The following ASH1L variants were observed in gnomAD, a reference collection of about 807,000 sequenced individuals.
The protein encoded by ASH1L is histone-lysine N-methyltransferase ASH1L.
A neutral mutation model predicts 269.0 loss-of-function variants in ASH1L; 23 were observed. The observed-to-expected ratio is 0.09, with a 90% CI of 0.06 to 0.12. The LOEUF (loss-of-function observed/expected upper bound fraction) is 0.12, where lower values mean the gene tolerates loss of function less well. ASH1L is among the 10% of genes least tolerant of loss of function. The probability of loss-of-function intolerance (pLI) is 1.00; values close to 1 mark genes in which losing one functional copy is unlikely to be tolerated. For synonymous variants in ASH1L, 1,187 were observed against 1,253.5 expected (o/e 0.95, Z 1.12); for missense variants, 2,912 against 3,567.8 (o/e 0.82, Z 4.68).
chr1:155,534,157 G>A (rs999407599), intron 1 of ASH1L, among the ~76,000 whole-genome samples: 4 of 149,754 alleles, frequency 2.7e-5, no homozygotes, highest in African/African-American at 9.9e-5. Context: ...GCTGGAAACA[G>A]GCCGAGATCC....
rs116096947 is a variant in ASH1L at position 155,417,554 on chromosome 1, T to C, written c.5829-1631A>G. Among the ~76,000 whole-genome samples, 350 of 152,288 alleles carry C rather than the reference T, an allele frequency of 2.3e-3. 1 individual carries two copies. The highest frequency in any genetic ancestry group is 8.2e-3 in the African/African-American group (339 of 41,556). ...ACTCACACATGATGGCAGATACTCA[T>C]TCCATTAGGCAAAGTAGAAAGACAT... On this transcript the variant is annotated intron_variant, in intron 5 of 27. Coordinates refer to ENST00000392403, the MANE Select transcript of ASH1L (RefSeq NM_018489.3).
intron 6 of ASH1L, among the ~76,000 whole-genome samples, chr1:155,405,169 AAAACT>A (rs1217974147): frequency 6.6e-6 from 1 of 152,096 alleles, no homozygotes; most frequent in Admixed American, 6.6e-5. Flanking sequence ...CTGTACACTA[AAAACT>A]ATAAAACACT....
chr1:155,542,981 A>T (rs1226959175), intron 1 of ASH1L, among the ~76,000 whole-genome samples: 1 of 151,814 alleles, frequency 6.6e-6, no homozygotes, highest in Non-Finnish European at 1.5e-5. Context: ...AAAACCATTA[A>T]ATCTTACACC....
chr1:155,516,617 A>AC (rs1470045201), intron 2 of ASH1L, among the ~76,000 whole-genome samples: 1 of 152,020 alleles, frequency 6.6e-6, no homozygotes, highest in Non-Finnish European at 1.5e-5. Flanking sequence ...AAACAGCAAG[A>AC]CCCCATCTCT....
At chr1:155,373,312 G>C (rs1421032061) in intron 10 of ASH1L, among the ~76,000 whole-genome samples, 1 of 151,458 alleles carries the variant, frequency 6.6e-6, no homozygotes, top group African/African-American at 2.4e-5. Flanking sequence ...TTTGGAGACA[G>C]GGTCTCGCTC....
intron 8 of ASH1L, 102 bp from the exon 9 acceptor site, chr1:155,378,650 C>T (rs1656672818): frequency 1.1e-6 from 1 of 891,918 alleles, no homozygotes; most frequent in African/African-American, 1.7e-5. Context: ...GTGCTCTGCT[C>T]ATCTGGAAAT....
chr1:155,552,442 G>A (rs1252260402), intron 1 of ASH1L, among the ~76,000 whole-genome samples: 4 of 152,168 alleles, frequency 2.6e-5, no homozygotes, highest in Admixed American at 2.6e-4. Flanking sequence ...CTCCAGCCTA[G>A]CCGACAAGAG....
intron 3 of ASH1L, among the ~76,000 whole-genome samples, chr1:155,463,460 TGAC>T (rs1403150403): frequency 2.0e-5 from 3 of 152,192 alleles, no homozygotes; most frequent in South Asian, 2.1e-4. Context: ...TAAATATTAG[TGAC>T]TACTATATAT....
chr1:155,522,616 G>A (rs1668964743), intron 1 of ASH1L, among the ~76,000 whole-genome samples: 2 of 151,468 alleles, frequency 1.3e-5, no homozygotes, highest in African/African-American at 2.4e-5. Context: ...TCTCCACAAA[G>A]CACTCCCATT....
chr1:155,457,542 G>A (rs1168313336), intron 4 of ASH1L, among the ~76,000 whole-genome samples: 2 of 152,164 alleles, frequency 1.3e-5, no homozygotes, highest in Non-Finnish European at 2.9e-5. Context: ...AGTAGTGTGC[G>A]TGACTTATTC....
intron 18 of ASH1L, 30 bp downstream of exon 18, chr1:155,349,512 C>G: frequency 6.2e-7 from 1 of 1,614,012 alleles, no homozygotes; most frequent in East Asian, 2.2e-5. Flanking sequence ...TTTTTAAAAA[C>G]TCAGATGATT....
chr1:155,477,628 A>AT (rs1665656342), intron 3 of ASH1L, among the ~76,000 whole-genome samples: 1 of 151,992 alleles, frequency 6.6e-6, no homozygotes, highest in African/African-American at 2.4e-5. Context: ...AAGATGAATG[A>AT]TTTTTCCTGG....
At position 155,338,169 on chromosome 1, in the gene ASH1L, G is replaced by C. The variant is rs777719270; in HGVS notation, c.8723C>G (p.Pro2908Arg). 1.2e-6 allele frequency: 2 copies of C among 1,614,078 alleles called. No homozygotes were observed. Among genetic ancestry groups the C allele is most frequent in the Non-Finnish European group, 1.7e-6 (2 of 1,180,008 alleles). ...SSQEPQSTCTPEERRHNQRER... is the reference protein window; with the variant it reads ...SSQEPQSTCTREERRHNQRER... ...CCGTTGGTTATGCCGTCGTTCCTCA[G>C]GGGTACAGGTTGACTGGGGTTCTTG... The change falls in exon 27 of 28, where the codon CCT becomes CGT. Residue 2908 changes from proline (P) to arginine (R), a missense_variant. Around this residue, in one of 13 missense-constraint regions of ASH1L, gnomAD observed 154 missense variants for 165.0 expected, o/e 0.93. Transcript: ENST00000392403.
chr1:155,490,295 T>C (rs919276843), intron 2 of ASH1L, among the ~76,000 whole-genome samples: 29 of 152,004 alleles, frequency 1.9e-4, no homozygotes, highest in African/African-American at 7.0e-4. Context: ...ATTGTCAGTA[T>C]GTAAGATGTC....
chr1:155,397,715 C>T (rs1478262294), intron 6 of ASH1L, among the ~76,000 whole-genome samples: 1 of 152,044 alleles, frequency 6.6e-6, no homozygotes, highest in Non-Finnish European at 1.5e-5. Flanking sequence ...TGGGATTACA[C>T]TATGCCTGGC....
intron 1 of ASH1L, among the ~76,000 whole-genome samples, chr1:155,556,165 T>C (rs1671572738): frequency 6.6e-6 from 1 of 152,138 alleles, no homozygotes; most frequent in African/African-American, 2.4e-5. Context: ...GAGGACCACA[T>C]GAGTCCAAGA....
At position 155,391,912 on chromosome 1, in the gene ASH1L, C is replaced by T. The variant is rs925243559; in HGVS notation, c.6103+3547G>A. 2.0e-5 allele frequency among the ~76,000 whole-genome samples: 3 copies of T among 152,000 alleles called. 1 individual carries two copies. In the South Asian group the frequency reaches 6.2e-4, roughly 31 times the overall value. On this transcript the variant is annotated intron_variant, in intron 7 of 27. Transcript: ENST00000392403. The stretch of plus-strand genomic sequence containing the variant: ...TAGAGGCTGCAGTGAGCCAAGATTG[C>T]ACTACTGCACTTGAGCCTCAACAAC...
At position 155,562,281 on chromosome 1, in the gene ASH1L, C is replaced by T. The variant is rs574746664; in HGVS notation, c.-228G>A. On this transcript the variant is annotated 5_prime_UTR_variant, in exon 1 of 28. Coordinates refer to ENST00000392403, the MANE Select transcript of ASH1L (RefSeq NM_018489.3). Reference sequence around the variant, plus strand: ...TCCCTCCCGCTTGTCAGGAGGCGGCCAGCGGGTAAGCTGACTGGCGGAAAT... The same window carrying T: ...TCCCTCCCGCTTGTCAGGAGGCGGCTAGCGGGTAAGCTGACTGGCGGAAAT... 11 of 1,606,578 alleles carry T rather than the reference C, an allele frequency of 6.8e-6. No individual in the cohort carries two copies. Among genetic ancestry groups the T allele is most frequent in the Admixed American group, 1.7e-5 (1 of 59,866 alleles).
At chr1:155,547,053 A>G (rs1670879237) in intron 1 of ASH1L, among the ~76,000 whole-genome samples, 1 of 147,734 alleles carries the variant, frequency 6.8e-6, no homozygotes, top group Admixed American at 6.8e-5. Flanking sequence ...CCCAAGTTCA[A>G]GCAATTCTCC....
Sources: allele counts gnomAD v4.1 joint callset (sites outside exome capture counted in the v4.1 genomes callset), GRCh38; gene constraint gnomAD v4.1.1; regional missense constraint gnomAD v4.1.1; transcripts MANE v1.5; gene names NCBI Gene and HGNC (gene_info 2026-07-23, HGNC 2026-07-21).